Variants in SEC14L5 observed in about 807,000 individuals in gnomAD.
SEC14L5 encodes the protein SEC14 like lipid binding 5, also known as SEC14-like protein 5.
SEC14L5 carries 96 observed loss-of-function variants against 84.6 expected under a neutral mutation model. The ratio of observed to expected loss-of-function variants is 1.13; its 90% confidence interval spans 0.96 to 1.34. The LOEUF is 1.34. Among genes scored for constraint, SEC14L5 ranks in the 40% most tolerant of loss-of-function variants. The pLI, the probability that SEC14L5 is intolerant of heterozygous loss-of-function variation, is 0.00. For missense variants in SEC14L5, 1,224 were observed against 942.5 expected (o/e 1.30, Z -3.91); for synonymous variants, 546 against 383.4 (o/e 1.42, Z -4.95).
intron 8 of SEC14L5, among the ~76,000 whole-genome samples, chr16:4,998,716 C>G (rs532953284): frequency 8.8e-6 from 1 of 114,184 alleles, no homozygotes; most frequent in Non-Finnish European, 1.6e-5. Context: ...CCAGCCTGGG[C>G]GACAGAGCGA....
chr16:4,994,246 G>A (rs771905367), intron 6 of SEC14L5, among the ~76,000 whole-genome samples: 11 of 152,198 alleles, frequency 7.2e-5, no homozygotes, highest in Non-Finnish European at 1.2e-4. Context: ...GGCCACTGCC[G>A]TGCAGGGACT....
chr16:4,970,857 C>T (rs956028410), intron 2 of SEC14L5, among the ~76,000 whole-genome samples: 6 of 152,186 alleles, frequency 3.9e-5, no homozygotes, highest in Admixed American at 3.3e-4. Context: ...TGCCTGTAAT[C>T]CCAGCACTTT....
At chr16:4,987,532 C>T in intron 2 of SEC14L5, 25 bp from the exon 3 acceptor site, 1 of 1,517,328 alleles carries the variant, frequency 6.6e-7, no homozygotes, top group South Asian at 1.2e-5. Context: ...CCCACCACGG[C>T]CGCTCACTGC....
At chr16:4,997,160 G>C (rs895383612) in intron 8 of SEC14L5, 116 bp downstream of exon 8, 5 of 666,046 alleles carry the variant, frequency 7.5e-6, no homozygotes, top group Non-Finnish European at 1.2e-5. Context: ...GTGCAGTGGT[G>C]CCATCTCGGC....
chr16:4,998,003 C>CCTTTTTTTTTTTT lies in SEC14L5; in HGVS notation c.970+959_970+960insCTTTTTTTTTTTT, dbSNP rs1555530444. Among the ~76,000 whole-genome samples the CCTTTTTTTTTTTT allele has an allele frequency of 7.7e-5, 6 of 77,896 alleles. 2 individuals are homozygous for CCTTTTTTTTTTTT. Among genetic ancestry groups the CCTTTTTTTTTTTT allele is most frequent in the South Asian group, 7.1e-4 (2 of 2,820 alleles). The allele number at this position is 77,896 out of a possible 152,430, so 51.1% of individuals were successfully genotyped here. A position where few individuals can be genotyped will look rare whatever the true frequency, so the allele number is the denominator to read the frequency against. On this transcript the variant is annotated intron_variant, in intron 8 of 15. Transcript: ENST00000251170. ...AATTACACCTGCACAGACTCTAGTT[C>CCTTTTTTTTTTTT]TTTTTTTTTTTTTTTTTTGAGACAG...
chr16:4,977,478 A>AAAG (rs1211715208), intron 2 of SEC14L5, among the ~76,000 whole-genome samples: 2 of 150,330 alleles, frequency 1.3e-5, no homozygotes, highest in Admixed American at 6.6e-5. Flanking sequence ...AAGGAAAAAA[A>AAAG]AAGAAAAGAA....
intron 15 of SEC14L5, among the ~76,000 whole-genome samples, chr16:5,013,651 T>C (rs777700435): frequency 3.6e-5 from 5 of 140,612 alleles, no homozygotes; most frequent in African/African-American, 1.1e-4. Context: ...CTCCGCCTCC[T>C]GGGTTCAAGC....
rs1486953318 is a variant in SEC14L5, at chr16:5,015,524, T to A, written c.*554T>A. On this transcript the variant is annotated 3_prime_UTR_variant, in exon 16 of 16. Transcript: ENST00000251170. ...TTGGCCAGCAGGGTCATGCCCAATC[T>A]GGACCAATCACCGTGATCCAGGGTT... 6.5e-6 allele frequency: 1 copy of A among 154,756 alleles called. No individual in the cohort carries two copies. Among genetic ancestry groups the A allele is most frequent in the Non-Finnish European group, 1.4e-5 (1 of 69,430 alleles). The allele number at this position is 154,756 out of a possible 1,614,324, so 9.6% of individuals were successfully genotyped here.
chr16:4,992,102 G>T (rs1004435581), intron 6 of SEC14L5, 72 bp downstream of exon 6: 1 of 1,078,774 alleles, frequency 9.3e-7, no homozygotes, highest in Non-Finnish European at 1.3e-6. Flanking sequence ...GGGGGGCCCT[G>T]GGGCATGTTG....
intron 2 of SEC14L5, among the ~76,000 whole-genome samples, chr16:4,979,603 C>G (rs1955394522): frequency 6.6e-6 from 1 of 152,148 alleles, no homozygotes; most frequent in Non-Finnish European, 1.5e-5. Flanking sequence ...AAGTTTTCTG[C>G]CTGACCAGCC....
intron 14 of SEC14L5, among the ~76,000 whole-genome samples, chr16:5,009,220 C>T (rs1196257916): frequency 6.6e-6 from 1 of 152,112 alleles, no homozygotes; most frequent in Non-Finnish European, 1.5e-5. Flanking sequence ...AAAGGGGTTT[C>T]TTCTCTGTCT....
chr16:4,985,701 T>G (rs2142500506), intron 2 of SEC14L5, among the ~76,000 whole-genome samples: 1 of 151,898 alleles, frequency 6.6e-6, no homozygotes, highest in East Asian at 1.9e-4. Context: ...ATGTCTCCCC[T>G]TATGCCAGTA....
chr16:5,010,818 T>C, intron 14 of SEC14L5: 1 of 432,284 alleles, frequency 2.3e-6, no homozygotes, highest in Non-Finnish European at 4.2e-6. Context: ...ATCCAGGTGT[T>C]TAAGCACCTC....
In SEC14L5 at chr16:5,008,224, G is replaced by C. The variant is rs1215744545; in HGVS notation, c.1573-197G>C. ...AGCCACCAAGCCTGGCCGAGATAAGGATTCTTATGCCAGTGATCTGTTGCA... is the reference window on the plus strand; with the variant it reads ...AGCCACCAAGCCTGGCCGAGATAAGCATTCTTATGCCAGTGATCTGTTGCA... On this transcript the variant is annotated intron_variant, in intron 13 of 15. Coordinates refer to ENST00000251170, the MANE Select transcript of SEC14L5 (RefSeq NM_014692.2). 3.3e-5 allele frequency among the ~76,000 whole-genome samples: 5 copies of C among 152,174 alleles called. No individual in the cohort carries two copies. The East Asian group carries it at 9.7e-4, about 29-fold the overall frequency.
chr16:5,004,605 G>A (rs2142524520), intron 11 of SEC14L5, among the ~76,000 whole-genome samples: 1 of 152,232 alleles, frequency 6.6e-6, no homozygotes, highest in Non-Finnish European at 1.5e-5. Context: ...GAGCTACTGG[G>A]GGTCAGCCTC....
chr16:4,975,476 A>AAC (rs1216146753), intron 2 of SEC14L5, among the ~76,000 whole-genome samples: 11 of 151,276 alleles, frequency 7.3e-5, no homozygotes, highest in African/African-American at 2.7e-4. Flanking sequence ...CCATCTCAAA[A>AAC]AAAAAAAAAA....
chr16:4,971,174 T>C (rs907208104), intron 2 of SEC14L5, among the ~76,000 whole-genome samples: 1 of 151,596 alleles, frequency 6.6e-6, no homozygotes, highest in African/African-American at 2.4e-5. Flanking sequence ...CAGGCAAAAC[T>C]GGCCAGGGGC....
In SEC14L5 at chr16:4,992,840, A is replaced by G. The variant is rs78463411; in HGVS notation, c.667+810A>G. Among the ~76,000 whole-genome samples, 1,319 of 152,296 alleles carry G rather than the reference A, an allele frequency of 8.7e-3. 22 individuals carry two copies. Among genetic ancestry groups the G allele is most frequent in the African/African-American group, 0.03 (1,255 of 41,552 alleles). On this transcript the variant is annotated intron_variant, in intron 6 of 15. Coordinates refer to ENST00000251170, the MANE Select transcript of SEC14L5 (RefSeq NM_014692.2). ...GTGCATATATGCACATAAAATGTATATATACCCACACACATATGTGTGTAC... is the reference window on the plus strand; with the variant it reads ...GTGCATATATGCACATAAAATGTATGTATACCCACACACATATGTGTGTAC...
chr16:5,004,613 C>T (rs975712824), intron 11 of SEC14L5, among the ~76,000 whole-genome samples: 2 of 152,036 alleles, frequency 1.3e-5, no homozygotes, highest in Admixed American at 1.3e-4. Context: ...GGGGGTCAGC[C>T]TCAGCCTCCT....
Sources: gnomAD v4.1 joint callset for allele counts (sites outside exome capture counted in the v4.1 genomes callset) on GRCh38, gnomAD v4.1.1 for gene constraint, MANE v1.5 for transcripts, NCBI Gene and HGNC (gene_info 2026-07-23, HGNC 2026-07-21) for gene names.